Variants in ZNF654 observed in about 807,000 individuals in gnomAD.
ZNF654 encodes melanoma-associated antigen.
A neutral mutation model predicts 95.3 loss-of-function variants in ZNF654; 19 were observed. That is an observed-to-expected ratio of 0.20 (90% CI 0.14 to 0.29). The LOEUF (loss-of-function observed/expected upper bound fraction) is 0.29. ZNF654 is among the 10% of genes least tolerant of loss of function. The probability of loss-of-function intolerance (pLI) is 1.00; values close to 1 mark genes in which losing one functional copy is unlikely to be tolerated. For synonymous variants in ZNF654, 413 were observed against 457.9 expected (o/e 0.90, Z 1.25); for missense variants, 1,046 against 1,341.0 (o/e 0.78, Z 3.44).
In ZNF654 at chr3:88,140,032, A is replaced by G. The variant is rs1707025439; in HGVS notation, c.2363A>G (p.Lys788Arg). ...ACAGTAATGAAGTGGAGCAAAGGAAAATGCAAATTTTGTCAAAGGCAATTT... is the reference window on the plus strand; with the variant it reads ...ACAGTAATGAAGTGGAGCAAAGGAAGATGCAAATTTTGTCAAAGGCAATTT... ...RQTVMKWSKG[K>R]CKFCQRQFED... The change falls in exon 8 of 9, where the codon AAA becomes AGA. Residue 788 changes from lysine to arginine, a missense_variant. Transcript: ENST00000636215. The G allele has an allele frequency of 6.2e-7, 1 of 1,613,792 alleles. No individual in the cohort carries two copies. Among genetic ancestry groups the G allele is most frequent in the East Asian group, 2.2e-5 (1 of 44,888 alleles).
chr3:88,076,616 C>T (rs1440756771), intron 1 of ZNF654, among the ~76,000 whole-genome samples: 2 of 152,008 alleles, frequency 1.3e-5, no homozygotes, highest in Non-Finnish European at 2.9e-5. Flanking sequence ...TTCTTGAAAC[C>T]GAGCATACCT....
At chr3:88,068,376 A>C (rs1707320642) in intron 1 of ZNF654, among the ~76,000 whole-genome samples, 1 of 152,078 alleles carries the variant, frequency 6.6e-6, no homozygotes, top group Non-Finnish European at 1.5e-5. Flanking sequence ...TGAAGGGAGA[A>C]GAAAAGTGGT....
rs79993363 is a variant in ZNF654, at chr3:88,106,979, G to A, written c.333-6136G>A. Among the ~76,000 whole-genome samples, 664 of 152,112 alleles carry A rather than the reference G, an allele frequency of 4.4e-3. 11 individuals are homozygous for A. The highest frequency in any genetic ancestry group is 0.029 in the East Asian group (151 of 5,174). On this transcript the variant is annotated intron_variant, in intron 2 of 8. Transcript: ENST00000636215. The stretch of plus-strand genomic sequence containing the variant: ...GTTTCATTAGCCTATTTGTCTGTTC[G>A]TGTGCCAACACAATGTTGATTTAAT...
intron 3 of ZNF654, among the ~76,000 whole-genome samples, chr3:88,119,926 A>G (rs1705667917): frequency 6.6e-6 from 1 of 152,224 alleles, no homozygotes; most frequent in Non-Finnish European, 1.5e-5. Context: ...CTCTTCAGAT[A>G]AAACTCTGCT....
intron 4 of ZNF654, among the ~76,000 whole-genome samples, chr3:88,127,637 G>T (rs1706198597): frequency 6.6e-6 from 1 of 152,114 alleles, no homozygotes; most frequent in Non-Finnish European, 1.5e-5. Context: ...CAGGGGAGAA[G>T]AAAGTTTGAG....
intron 7 of ZNF654, among the ~76,000 whole-genome samples, chr3:88,136,979 G>A (rs1023872588): frequency 6.6e-6 from 1 of 151,998 alleles, no homozygotes; most frequent in Non-Finnish European, 1.5e-5. Context: ...CAGATCACTT[G>A]AGGCCAGAAG....
chr3:88,080,695 C>T (rs539815371), intron 1 of ZNF654, among the ~76,000 whole-genome samples: 2 of 152,186 alleles, frequency 1.3e-5, no homozygotes, highest in Admixed American at 1.3e-4. Context: ...AAGGGCAAAT[C>T]TTGAGGTGCA....
chr3:88,077,419 C>T (rs1258113042), intron 1 of ZNF654, among the ~76,000 whole-genome samples: 4 of 151,614 alleles, frequency 2.6e-5, no homozygotes, highest in South Asian at 2.1e-4. Context: ...CTGCAAGCTC[C>T]GCCGCCGGGT....
At chr3:88,105,251 T>C (rs1576288015) in intron 2 of ZNF654, among the ~76,000 whole-genome samples, 2 of 151,084 alleles carry the variant, frequency 1.3e-5, no homozygotes, top group East Asian at 3.9e-4. Context: ...CATGCCCTTT[T>C]TTAGATAAAC....
intron 1 of ZNF654, among the ~76,000 whole-genome samples, chr3:88,078,101 A>G (rs1239275067): frequency 6.6e-6 from 1 of 152,208 alleles, no homozygotes; most frequent in Non-Finnish European, 1.5e-5. Context: ...ATTTCAAACT[A>G]TTGTGAATAT....
chr3:88,125,611 A>G (rs566130079), intron 3 of ZNF654, among the ~76,000 whole-genome samples: 1 of 152,256 alleles, frequency 6.6e-6, no homozygotes, highest in East Asian at 1.9e-4. Flanking sequence ...CAACAAAGGG[A>G]AACAGAATCT....
intron 6 of ZNF654, 85 bp downstream of exon 6, chr3:88,129,911 TA>T: frequency 1.7e-6 from 2 of 1,206,974 alleles, no homozygotes; most frequent in Admixed American, 6.4e-5. Flanking sequence ...TTTTACATTG[TA>T]TGAAAATGTC....
chr3:88,069,267 CA>C (rs1227854382), intron 1 of ZNF654, among the ~76,000 whole-genome samples: 5 of 152,058 alleles, frequency 3.3e-5, no homozygotes, highest in African/African-American at 1.2e-4. Flanking sequence ...ACTAAAAATA[CA>C]AAAATTAGTC....
At position 88,059,348 on chromosome 3, in the gene ZNF654, C is replaced by T. The variant is rs1225922908; in HGVS notation, c.29C>T (p.Ala10Val). 6.5e-7 allele frequency: 1 copy of T among 1,534,824 alleles called. No individual in the cohort carries two copies. The highest frequency in any genetic ancestry group is 8.7e-7 in the Non-Finnish European group (1 of 1,146,726). MAEEESDQEAERLGEELVAI... is the reference protein window; with the variant it reads MAEEESDQEVERLGEELVAI... Reference sequence around the variant, plus strand: ...GCGGAGGAAGAGAGCGACCAAGAGGCCGAACGCCTCGGAGAAGAGCTTGTG... The same window carrying T: ...GCGGAGGAAGAGAGCGACCAAGAGGTCGAACGCCTCGGAGAAGAGCTTGTG... Residue 10 changes from alanine (A) to valine (V), a missense_variant, in exon 1 of 9, where the codon GCC becomes GTC. This residue lies in a region of ZNF654 where 89 missense variants were observed against 77.9 expected (regional missense o/e 1.14). Transcript: ENST00000636215.
Position 88,139,931 on chromosome 3 carries a change from C to G in ZNF654, c.2262C>G (p.Val754=), listed in dbSNP as rs1707016734. 1 of 1,613,568 alleles carries G rather than the reference C, an allele frequency of 6.2e-7. No homozygotes were observed. Among genetic ancestry groups the G allele is most frequent in the Non-Finnish European group, 8.5e-7 (1 of 1,179,756 alleles). Residue 754 remains valine (V), a synonymous_variant, in exon 8 of 9, where the codon GTC becomes GTG. Transcript: ENST00000636215. ...GNFKCPALGC[V]RIFKRIGFLN... is the part of the protein sequence containing the mutation. ...TTAAGTGTCCTGCTCTTGGTTGTGTCCGGATATTTAAAAGAATTGGGTTTC... is the reference window on the plus strand; with the variant it reads ...TTAAGTGTCCTGCTCTTGGTTGTGTGCGGATATTTAAAAGAATTGGGTTTC...
Position 88,096,160 on chromosome 3 carries a change from ATAAT to A in ZNF654, c.332+9762_332+9765del, listed in dbSNP as rs143645248. On this transcript the variant is annotated intron_variant, in intron 2 of 8. Coordinates refer to ENST00000636215, the MANE Select transcript of ZNF654 (RefSeq NM_001350134.2). ...ATTAGGTAAATGTCAACCATCCTAGATAATTAAGTAGAAGGAACTTATTCATAGA... is the reference window on the plus strand; with the variant it reads ...ATTAGGTAAATGTCAACCATCCTAGATAAGTAGAAGGAACTTATTCATAGA... Among the ~76,000 whole-genome samples, 239 of 152,150 alleles carry A rather than the reference ATAAT, an allele frequency of 1.6e-3. 1 individual carries two copies. Among genetic ancestry groups the A allele is most frequent in the Middle Eastern group, 6.8e-3 (2 of 294 alleles).
At chr3:88,079,490 C>T (rs1192719288) in intron 1 of ZNF654, among the ~76,000 whole-genome samples, 4 of 151,966 alleles carry the variant, frequency 2.6e-5, no homozygotes, top group Admixed American at 2.0e-4. Context: ...ATGGATGTCA[C>T]ATCTATCTAT....
At chr3:88,125,830 T>C (rs1374897916) in intron 3 of ZNF654, among the ~76,000 whole-genome samples, 1 of 152,216 alleles carries the variant, frequency 6.6e-6, no homozygotes, top group African/African-American at 2.4e-5. Flanking sequence ...ACTGAACATT[T>C]AAGTTTCAGT....
At position 88,128,972 on chromosome 3, in the gene ZNF654, T is replaced by C; in HGVS notation, c.714T>C (p.Cys238=). 2 of 1,534,916 alleles carry C rather than the reference T, an allele frequency of 1.3e-6. No homozygotes were observed. The highest frequency in any genetic ancestry group is 1.7e-4 in the Middle Eastern group (1 of 5,980). ...DLYFHQALFT[C]LFMSPVEDQL... Reference sequence around the variant, plus strand: ...ACTTCCATCAAGCACTCTTCACATGTCTGTTTATGTCACCTGTAGAAGATC... The same window carrying C: ...ACTTCCATCAAGCACTCTTCACATGCCTGTTTATGTCACCTGTAGAAGATC... The change falls in exon 5 of 9, where the codon TGT becomes TGC. Residue 238 remains cysteine, a synonymous_variant. Coordinates refer to ENST00000636215, the MANE Select transcript of ZNF654 (RefSeq NM_001350134.2).
Sources: allele counts gnomAD v4.1 joint callset (sites outside exome capture counted in the v4.1 genomes callset), GRCh38; gene constraint gnomAD v4.1.1; regional missense constraint gnomAD v4.1.1; transcripts MANE v1.5; gene names NCBI Gene and HGNC (gene_info 2026-07-23, HGNC 2026-07-21).